Variants in BMERB1 observed in about 807,000 individuals in gnomAD.
BMERB1 encodes the protein bMERB domain-containing protein 1.
Under a neutral mutation model 23.6 loss-of-function variants are expected in BMERB1, and 12 were observed. The ratio of observed to expected loss-of-function variants is 0.51; its 90% CI spans 0.33 to 0.82. The LOEUF (loss-of-function observed/expected upper bound fraction) is 0.82, where lower values mean the gene tolerates loss of function less well. Ranked by LOEUF, BMERB1 falls within the 40% of genes least tolerant of loss-of-function variation. The probability of loss-of-function intolerance (pLI) is 0.03; values close to 1 mark genes in which losing one functional copy is unlikely to be tolerated. For synonymous variants in BMERB1, 122 were observed against 96.6 expected (o/e 1.26, Z -1.54); for missense variants, 247 against 255.4 (o/e 0.97, Z 0.22).
At chr16:15,585,902 G>T (rs963411939) in intron 5 of BMERB1, among the ~76,000 whole-genome samples, 2 of 152,054 alleles carry the variant, frequency 1.3e-5, no homozygotes, top group African/African-American at 4.8e-5. Flanking sequence ...GCACCAAAGA[G>T]AATGTCCTCC....
chr16:15,464,442 G>C (rs546002335), intron 1 of BMERB1, among the ~76,000 whole-genome samples: 98 of 151,968 alleles, frequency 6.4e-4, no homozygotes, highest in African/African-American at 2.2e-3. Context: ...GGCCAACATA[G>C]AGAGACCCTG....
At chr16:15,569,981 G>A (rs1488481533) in intron 3 of BMERB1, among the ~76,000 whole-genome samples, 1 of 152,176 alleles carries the variant, frequency 6.6e-6, no homozygotes, top group African/African-American at 2.4e-5. Context: ...GTCTCCCAAA[G>A]CTAGCATGGC....
At chr16:15,582,649 T>G (rs1371495173) in intron 4 of BMERB1, among the ~76,000 whole-genome samples, 2 of 151,034 alleles carry the variant, frequency 1.3e-5, no homozygotes, top group Non-Finnish European at 3.0e-5. Flanking sequence ...AGCCCAGGAG[T>G]TCAAGGCTTC....
intron 1 of BMERB1, among the ~76,000 whole-genome samples, chr16:15,444,280 C>G (rs2050971566): frequency 6.6e-6 from 1 of 151,530 alleles, no homozygotes; most frequent in African/African-American, 2.4e-5. Context: ...ACAAGTTCCC[C>G]CAAAAGATAG....
At chr16:15,467,069 A>G (rs1466246343) in intron 1 of BMERB1, among the ~76,000 whole-genome samples, 2 of 152,120 alleles carry the variant, frequency 1.3e-5, no homozygotes, top group African/African-American at 2.4e-5. Flanking sequence ...CATTGTATGG[A>G]TGTACCATGG....
intron 1 of BMERB1, among the ~76,000 whole-genome samples, chr16:15,468,354 C>A (rs1037128609): frequency 1.3e-5 from 2 of 151,882 alleles, no homozygotes; most frequent in Non-Finnish European, 2.9e-5. Context: ...CTGTGTTGGA[C>A]AGACTGGTCT....
chr16:15,440,070 C>A (rs1375371410), intron 1 of BMERB1, among the ~76,000 whole-genome samples: 2 of 151,600 alleles, frequency 1.3e-5, no homozygotes, highest in Non-Finnish European at 2.9e-5. Flanking sequence ...CATGGTGAAA[C>A]CCTGTCTGTA....
intron 2 of BMERB1, among the ~76,000 whole-genome samples, chr16:15,543,220 C>A (rs911632878): frequency 1.3e-5 from 2 of 152,044 alleles, no homozygotes; most frequent in Non-Finnish European, 2.9e-5. Context: ...AAACTCCTCT[C>A]GATGTTCAGA....
chr16:15,544,771 A>G (rs2052116591), intron 2 of BMERB1, among the ~76,000 whole-genome samples: 1 of 152,156 alleles, frequency 6.6e-6, no homozygotes. Context: ...CCCATTTCCT[A>G]GCTCATATGA....
chr16:15,492,774 C>A (rs945771744), intron 1 of BMERB1, among the ~76,000 whole-genome samples: 3 of 151,974 alleles, frequency 2.0e-5, no homozygotes, highest in Non-Finnish European at 4.4e-5. Context: ...CAAAAACTAG[C>A]CAGGCATGGT....
Position 15,576,282 on chromosome 16 carries a change from C to T in BMERB1, c.305-4935C>T, listed in dbSNP as rs142583829. The stretch of plus-strand genomic sequence containing the variant: ...CAGGATGGTCTCAACCTCCTGATCT[C>T]GTGATCTGCCCGCCTCGGCCTACCA... On this transcript the variant is annotated intron_variant, in intron 3 of 5. Coordinates refer to ENST00000300006, the MANE Select transcript of BMERB1 (RefSeq NM_033201.3). Among the ~76,000 whole-genome samples the T allele has an allele frequency of 1.5e-3, 223 of 152,144 alleles. 5 individuals are homozygous for T. In the East Asian group the frequency reaches 0.04, roughly 27 times the overall value.
At chr16:15,570,581 C>T (rs1180994631) in intron 3 of BMERB1, among the ~76,000 whole-genome samples, 2 of 152,076 alleles carry the variant, frequency 1.3e-5, no homozygotes, top group Non-Finnish European at 2.9e-5. Flanking sequence ...TGAAAGGGAT[C>T]CTGATCCAGA....
intron 1 of BMERB1, among the ~76,000 whole-genome samples, chr16:15,474,504 G>C (rs1036791395): frequency 5.3e-5 from 8 of 151,786 alleles, no homozygotes; most frequent in Non-Finnish European, 7.4e-5. Flanking sequence ...TGAGTTGCTA[G>C]AACTACAGGC....
At chr16:15,434,940 A>G (rs2050875206) in intron 1 of BMERB1, among the ~76,000 whole-genome samples, 181 bp downstream of exon 1, 1 of 152,140 alleles carries the variant, frequency 6.6e-6, no homozygotes, top group Non-Finnish European at 1.5e-5. Flanking sequence ...CGCGAACAAA[A>G]GGGGGGGACC....
chr16:15,543,150 G>C (rs2150963587), intron 2 of BMERB1, among the ~76,000 whole-genome samples: 1 of 152,184 alleles, frequency 6.6e-6, no homozygotes, highest in African/African-American at 2.4e-5. Flanking sequence ...GAGTGGGAAG[G>C]TAATCTTCCC....
At chr16:15,571,702 G>C (rs1186577895) in intron 3 of BMERB1, among the ~76,000 whole-genome samples, 1 of 151,928 alleles carries the variant, frequency 6.6e-6, no homozygotes, top group Non-Finnish European at 1.5e-5. Flanking sequence ...AAGATAGAAA[G>C]GCCACCTATC....
At chr16:15,579,777 A>G (rs895588099) in intron 3 of BMERB1, among the ~76,000 whole-genome samples, 1 of 152,144 alleles carries the variant, frequency 6.6e-6, no homozygotes, top group Non-Finnish European at 1.5e-5. Flanking sequence ...AAAGGGAAAA[A>G]AACAACTAGT....
chr16:15,546,186 G>T (rs2029904951), intron 2 of BMERB1, among the ~76,000 whole-genome samples: 1 of 152,166 alleles, frequency 6.6e-6, no homozygotes, highest in African/African-American at 2.4e-5. Context: ...CACTCAGGAG[G>T]CTGAGGCAGG....
intron 3 of BMERB1, among the ~76,000 whole-genome samples, chr16:15,580,261 T>C (rs1392009142): frequency 1.3e-5 from 2 of 152,058 alleles, no homozygotes. Context: ...CACATGTGGC[T>C]AATTTACAGA....
Sources: allele counts gnomAD v4.1 joint callset (sites outside exome capture counted in the v4.1 genomes callset), GRCh38; gene constraint gnomAD v4.1.1; transcripts MANE v1.5; gene names NCBI Gene and HGNC (gene_info 2026-07-23, HGNC 2026-07-21).